Variants in TRIM23 observed in about 807,000 individuals in gnomAD.
TRIM23 encodes the protein E3 ubiquitin-protein ligase TRIM23.
In TRIM23, 27 loss-of-function variants were observed where a neutral mutation model predicts 71.0. That is an observed-to-expected ratio of 0.38 (90% CI 0.28 to 0.52). The LOEUF (loss-of-function observed/expected upper bound fraction) is 0.52, where lower values mean the gene tolerates loss of function less well. Ranked by LOEUF, TRIM23 falls within the 20% of genes least tolerant of loss-of-function variation. TRIM23 has a pLI of 0.84. For missense variants in TRIM23, 482 were observed against 692.3 expected (o/e 0.70, Z 3.41); for synonymous variants, 234 against 238.0 (o/e 0.98, Z 0.16).
chr5:65,611,902 G>T (rs924168435), intron 3 of TRIM23, 21 bp from the exon 4 acceptor site: 1 of 1,599,408 alleles, frequency 6.3e-7, no homozygotes, highest in Non-Finnish European at 8.5e-7. Context: ...AAAAATTAAT[G>T]CCTTAAAATT....
chr5:65,601,891 A>C (rs1265518188), intron 7 of TRIM23, among the ~76,000 whole-genome samples: 1 of 152,164 alleles, frequency 6.6e-6, no homozygotes, highest in Non-Finnish European at 1.5e-5. Flanking sequence ...GCTGGGACTC[A>C]GGGCATCAAG....
chr5:65,591,407 T>C lies in TRIM23; in HGVS notation c.*362A>G. 1 of 1,578,514 alleles carries C rather than the reference T, an allele frequency of 6.3e-7. No individual in the cohort carries two copies. The highest frequency in any genetic ancestry group is 8.6e-7 in the Non-Finnish European group (1 of 1,164,332). On this transcript the variant is annotated 3_prime_UTR_variant, in exon 11 of 11. Coordinates refer to ENST00000231524, the MANE Select transcript of TRIM23 (RefSeq NM_001656.4). ...ACAGAGGTCTCATTAGGCACTCAATTGGCTATTCTTTTTTCACTGAAAGAA... is the reference window on the plus strand; with the variant it reads ...ACAGAGGTCTCATTAGGCACTCAATCGGCTATTCTTTTTTCACTGAAAGAA...
intron 10 of TRIM23, among the ~76,000 whole-genome samples, chr5:65,593,176 T>C (rs941653339): frequency 3.3e-5 from 5 of 152,208 alleles, no homozygotes; most frequent in African/African-American, 1.2e-4. Context: ...GACTCACACC[T>C]GTAATCCCAG....
At chr5:65,605,315 A>T (rs889184261) in intron 6 of TRIM23, among the ~76,000 whole-genome samples, 2 of 152,226 alleles carry the variant, frequency 1.3e-5, no homozygotes, top group Non-Finnish European at 2.9e-5. Flanking sequence ...TTTCACAAAC[A>T]TAATGTGGAG....
chr5:65,613,344 A>C (rs1367957126), intron 3 of TRIM23, among the ~76,000 whole-genome samples: 1 of 152,244 alleles, frequency 6.6e-6, no homozygotes, highest in Non-Finnish European at 1.5e-5. Context: ...AGTATAAAGA[A>C]ATCATCATCT....
intron 7 of TRIM23, among the ~76,000 whole-genome samples, chr5:65,601,113 A>C (rs911700467): frequency 4.6e-5 from 7 of 152,310 alleles, no homozygotes; most frequent in African/African-American, 1.7e-4. Flanking sequence ...CAGAACTACT[A>C]TATGATCTAC....
chr5:65,596,128 A>C (rs989451310), intron 9 of TRIM23, among the ~76,000 whole-genome samples: 5 of 152,224 alleles, frequency 3.3e-5, no homozygotes, highest in Admixed American at 6.5e-5. Context: ...TCACACCCAT[A>C]TAATACTGGT....
At chr5:65,611,415 G>T (rs1461110692) in intron 4 of TRIM23, among the ~76,000 whole-genome samples, 188 bp downstream of exon 4, 2 of 144,260 alleles carry the variant, frequency 1.4e-5, no homozygotes, top group Admixed American at 6.9e-5. Context: ...CCTCTTTGAA[G>T]TTTTTTTTTT....
At chr5:65,616,492 A>T (rs1754781366) in intron 2 of TRIM23, among the ~76,000 whole-genome samples, 2 of 151,756 alleles carry the variant, frequency 1.3e-5, no homozygotes, top group South Asian at 4.2e-4. Context: ...AAATACACAA[A>T]TTAGTCAGGC....
chr5:65,600,926 A>C (rs921807977), intron 7 of TRIM23, among the ~76,000 whole-genome samples: 2 of 152,246 alleles, frequency 1.3e-5, no homozygotes, highest in African/African-American at 4.8e-5. Flanking sequence ...AGATATGGAT[A>C]TCAAAACAAA....
At chr5:65,599,442 A>G (rs1425271671) in intron 7 of TRIM23, among the ~76,000 whole-genome samples, 1 of 152,230 alleles carries the variant, frequency 6.6e-6, no homozygotes, top group Admixed American at 6.5e-5. Flanking sequence ...GACTTAAGAT[A>G]CTATGTTGGT....
At position 65,590,350 on chromosome 5, in the gene TRIM23, C is replaced by A; in HGVS notation, c.*1419G>T. On this transcript the variant is annotated 3_prime_UTR_variant, in exon 11 of 11. Transcript: ENST00000231524. ...TTACATTTATTTATTTACATATTGC[C>A]CATAATACTGATAGGCTTTTTTTTT... 2 of 1,437,998 alleles carry A rather than the reference C, an allele frequency of 1.4e-6. No homozygotes were observed. Among genetic ancestry groups the A allele is most frequent in the Admixed American group, 2.4e-5 (1 of 42,158 alleles). 89.1% of individuals were successfully genotyped at this position (1,437,998 alleles called of 1,614,324 possible).
At position 65,611,105 on chromosome 5, in the gene TRIM23, T is replaced by C. The variant is rs140077166; in HGVS notation, c.646-62A>G. On this transcript the variant is annotated intron_variant, in intron 4 of 10. Transcript: ENST00000231524. ...AGTATTGACTAATAATATAAAAAAC[T>C]ATTTAAATCCCTATTAATACAAAAA... The C allele has an allele frequency of 1.0e-3, 1,462 of 1,404,582 alleles. 2 individuals carry two copies. Among genetic ancestry groups the C allele is most frequent in the Non-Finnish European group, 1.0e-3 (1,052 of 1,052,000 alleles). 87.0% of individuals were successfully genotyped at this position (1,404,582 alleles called of 1,614,324 possible).
intron 3 of TRIM23, chr5:65,613,702 C>T: frequency 1.7e-6 from 2 of 1,148,738 alleles, no homozygotes; most frequent in Non-Finnish European, 2.2e-6. Context: ...AGGCATTTTC[C>T]CCTCTGTATT....
At chr5:65,620,702 G>C (rs956555294) in intron 1 of TRIM23, among the ~76,000 whole-genome samples, 1 of 152,138 alleles carries the variant, frequency 6.6e-6, no homozygotes, top group Non-Finnish European at 1.5e-5. Flanking sequence ...AGCTATCCAC[G>C]TATAATTCTG....
At chr5:65,612,497 G>T (rs912972980) in intron 3 of TRIM23, among the ~76,000 whole-genome samples, 1 of 151,646 alleles carries the variant, frequency 6.6e-6, no homozygotes, top group Non-Finnish European at 1.5e-5. Flanking sequence ...GCACAATCAC[G>T]GCAGAAAACC....
intron 1 of TRIM23, among the ~76,000 whole-genome samples, chr5:65,619,900 G>T (rs1754882736): frequency 6.6e-6 from 1 of 152,080 alleles, no homozygotes; most frequent in East Asian, 1.9e-4. Context: ...TGGACAACAT[G>T]GTGAAATCCC....
At chr5:65,611,579 AC>A in intron 4 of TRIM23, 23 bp downstream of exon 4, 1 of 1,603,290 alleles carries the variant, frequency 6.2e-7, no homozygotes, top group South Asian at 1.1e-5. Context: ...CAGTGATCCA[AC>A]TGATTAATAA....
intron 3 of TRIM23, among the ~76,000 whole-genome samples, chr5:65,612,903 C>A (rs1481068924): frequency 6.6e-6 from 1 of 151,994 alleles, no homozygotes; most frequent in Non-Finnish European, 1.5e-5. Context: ...CAAAAAATAA[C>A]TAATTATGAA....
Sources: gnomAD v4.1 joint callset for allele counts (sites outside exome capture counted in the v4.1 genomes callset) on GRCh38, gnomAD v4.1.1 for gene constraint, MANE v1.5 for transcripts, NCBI Gene and HGNC (gene_info 2026-07-23, HGNC 2026-07-21) for gene names.